WDR27: variants seen among roughly 807,000 people sequenced by gnomAD.
WDR27 encodes WD repeat-containing protein 27.
WDR27 carries 100 observed loss-of-function variants against 114.4 expected under a neutral mutation model. The ratio of observed to expected loss-of-function variants is 0.87; its 90% confidence interval spans 0.74 to 1.03. The LOEUF is 1.03. Among genes scored for constraint, WDR27 ranks in the 50% least tolerant of loss-of-function variants. The pLI, the probability that WDR27 is intolerant of heterozygous loss-of-function variation, is 0.00. For missense variants in WDR27, 1,129 were observed against 1,092.9 expected, an observed-to-expected ratio of 1.03 and a Z score of -0.47; for synonymous variants, 449 against 423.1, an observed-to-expected ratio of 1.06 and a Z score of -0.75.
intron 25 of WDR27, among the ~76,000 whole-genome samples, chr6:169,499,458 G>A (rs746304320): frequency 8.5e-5 from 13 of 152,200 alleles, no homozygotes; most frequent in African/African-American, 2.9e-4. Context: ...TTAAACCTGC[G>A]CTAAATGTGA....
rs143232615 is a variant in WDR27 at position 169,657,458 on chromosome 6, G to A, written c.1402+818C>T. Among the ~76,000 whole-genome samples the A allele has an allele frequency of 7.3e-3, 1,115 of 152,338 alleles. 9 individuals carry two copies. Among genetic ancestry groups the A allele is most frequent in the African/African-American group, 0.011 (453 of 41,594 alleles). On this transcript the variant is annotated intron_variant, in intron 13 of 25. Coordinates refer to ENST00000448612, the MANE Select transcript of WDR27 (RefSeq NM_182552.5). Reference sequence around the variant, plus strand: ...GGCCCAAGGGTGGGGTCGCCAGGTCGCTGGCCGGGGAGATGGCCCTTCTGG... The same window carrying A: ...GGCCCAAGGGTGGGGTCGCCAGGTCACTGGCCGGGGAGATGGCCCTTCTGG...
intron 24 of WDR27, among the ~76,000 whole-genome samples, chr6:169,578,558 CA>C (rs1802839618): frequency 6.6e-6 from 1 of 152,126 alleles, no homozygotes. Flanking sequence ...TAGAAGCTCC[CA>C]GGGGGGCGAA....
chr6:169,485,404 G>C (rs1036067646), intron 25 of WDR27, among the ~76,000 whole-genome samples: 1 of 152,178 alleles, frequency 6.6e-6, no homozygotes, highest in Non-Finnish European at 1.5e-5. Context: ...ATGAGCATAT[G>C]AGAAAAAGCT....
chr6:169,463,640 C>T (rs768022383), intron 25 of WDR27, among the ~76,000 whole-genome samples: 4 of 152,100 alleles, frequency 2.6e-5, no homozygotes, highest in African/African-American at 4.8e-5. Flanking sequence ...ATAGAAAACC[C>T]TACACATTCC....
chr6:169,628,475 C>T (rs1455512871), intron 21 of WDR27, among the ~76,000 whole-genome samples: 1 of 152,220 alleles, frequency 6.6e-6, no homozygotes, highest in East Asian at 1.9e-4. Flanking sequence ...CACCACACGG[C>T]TTTCAGTGCA....
In WDR27 at chr6:169,660,712, G is replaced by A. The variant is rs79866436; in HGVS notation, c.1080C>T (p.Phe360=). 4,598 of 1,613,602 alleles carry A rather than the reference G, an allele frequency of 2.8e-3. 36 individuals are homozygous for A. The East Asian group carries it at 0.035, about 12-fold the overall frequency. ...CVWIGSSVGL[F]VFNLANLEVE... is the part of the protein sequence containing the mutation. ...CTTCCAGGTTTGCCAGGTTAAATACGAATAAGCCCACTGAGCTTCCGATCC... is the reference window on the plus strand; with the variant it reads ...CTTCCAGGTTTGCCAGGTTAAATACAAATAAGCCCACTGAGCTTCCGATCC... Residue 360 remains phenylalanine (F), a synonymous_variant, in exon 10 of 26, where the codon TTC becomes TTT. Transcript: ENST00000448612.
chr6:169,657,033 C>A (rs1824400909), intron 13 of WDR27, among the ~76,000 whole-genome samples: 1 of 152,134 alleles, frequency 6.6e-6, no homozygotes, highest in South Asian at 2.1e-4. Flanking sequence ...AGAGCATAAA[C>A]CGGCAGGAGA....
chr6:169,611,347 C>A (rs1562691323), intron 22 of WDR27, among the ~76,000 whole-genome samples: 1 of 147,460 alleles, frequency 6.8e-6, no homozygotes, highest in Non-Finnish European at 1.5e-5. Context: ...ACTCTGTCAC[C>A]CAGGCTGGAG....
At chr6:169,644,098 G>A (rs1029998084) in intron 16 of WDR27, among the ~76,000 whole-genome samples, 1 of 150,354 alleles carries the variant, frequency 6.7e-6, no homozygotes, top group Non-Finnish European at 1.5e-5. Flanking sequence ...TCACACTGTC[G>A]AAAAGCCTAG....
chr6:169,584,581 T>C (rs1429022195), intron 23 of WDR27, among the ~76,000 whole-genome samples: 5 of 152,224 alleles, frequency 3.3e-5, no homozygotes, highest in African/African-American at 9.6e-5. Context: ...ATCTCTTGTC[T>C]TTTTGATAAC....
intron 25 of WDR27, among the ~76,000 whole-genome samples, chr6:169,491,292 C>G (rs909666052): frequency 2.6e-5 from 4 of 152,096 alleles, no homozygotes; most frequent in Non-Finnish European, 5.9e-5. Flanking sequence ...AACTTTAGAG[C>G]AATAACTCTG....
chr6:169,503,819 C>T (rs1428002803), intron 25 of WDR27, among the ~76,000 whole-genome samples: 2 of 151,688 alleles, frequency 1.3e-5, no homozygotes, highest in East Asian at 3.9e-4. Context: ...TAGCATGCCA[C>T]TTCCATAAGA....
At chr6:169,491,902 A>G (rs778223787) in intron 25 of WDR27, among the ~76,000 whole-genome samples, 23 of 152,224 alleles carry the variant, frequency 1.5e-4, no homozygotes, top group Non-Finnish European at 3.1e-4. Context: ...AAAATCAAGT[A>G]GGAAGAGATA....
downstream of WDR27, among the ~76,000 whole-genome samples, chr6:169,457,042 C>T (rs1161157349): frequency 6.6e-6 from 1 of 150,594 alleles, no homozygotes; most frequent in African/African-American, 2.4e-5. Context: ...GCAGAGGCCA[C>T]ACTAACCATG....
intron 23 of WDR27, among the ~76,000 whole-genome samples, chr6:169,589,511 G>C (rs577967533): frequency 6.6e-6 from 1 of 152,298 alleles, no homozygotes; most frequent in East Asian, 1.9e-4. Context: ...ACAGTGGCAG[G>C]AGGTGAGGTA....
the WDR27 span, among the ~76,000 whole-genome samples, chr6:169,440,861 A>G: frequency 6.6e-6 from 1 of 152,204 alleles, no homozygotes; most frequent in African/African-American, 2.4e-5. Context: ...GTCCATGGCT[A>G]CAACAAGTCT....
intron 25 of WDR27, among the ~76,000 whole-genome samples, chr6:169,477,457 G>C (rs1787338736): frequency 6.6e-6 from 1 of 151,990 alleles, no homozygotes; most frequent in Non-Finnish European, 1.5e-5. Context: ...TCTTTTCTTT[G>C]AGACAGAGTC....
the WDR27 span, among the ~76,000 whole-genome samples, chr6:169,438,100 T>C: frequency 6.6e-6 from 1 of 152,192 alleles, no homozygotes; most frequent in African/African-American, 2.4e-5. Context: ...CAACTTCTTT[T>C]CCATTGTTCT....
At position 169,647,855 on chromosome 6, in the gene WDR27, C is replaced by T; in HGVS notation, c.1575G>A (p.Val525=). The part of the protein sequence containing the change: ...RSSCAREAYP[V]ECAVPTKPGP... ...CGGGCTTGGTGGGCACAGCGCACTC[C>T]ACGGGGTATGCCTCCCTGAGGGAAG... Residue 525 remains valine, a synonymous_variant, in exon 16 of 26, where the codon GTG becomes GTA. Transcript: ENST00000448612. 1 of 1,567,462 alleles carries T rather than the reference C, an allele frequency of 6.4e-7. No homozygotes were observed. Among genetic ancestry groups the T allele is most frequent in the Admixed American group, 1.9e-5 (1 of 52,314 alleles).
Sources: allele counts gnomAD v4.1 joint callset (sites outside exome capture counted in the v4.1 genomes callset), GRCh38; gene constraint gnomAD v4.1.1; transcripts MANE v1.5; gene names NCBI Gene and HGNC (gene_info 2026-07-23, HGNC 2026-07-21).